HNRNPM: variants seen among roughly 807,000 people sequenced by gnomAD.
HNRNPM encodes the protein heterogeneous nuclear ribonucleoprotein M, also known as CEA receptor.
In HNRNPM, 11 loss-of-function variants were observed where a neutral mutation model predicts 73.1. The ratio of observed to expected loss-of-function variants is 0.15; its 90% CI spans 0.09 to 0.25. The LOEUF (loss-of-function observed/expected upper bound fraction) is 0.25, where lower values mean the gene tolerates loss of function less well. Ranked by LOEUF, HNRNPM falls within the 10% of genes least tolerant of loss-of-function variation. HNRNPM has a pLI of 1.00. For missense variants in HNRNPM, 789 were observed against 1,067.9 expected (o/e 0.74, Z 3.64); for synonymous variants, 407 against 355.2 (o/e 1.15, Z -1.64).
rs779325730 is a variant in HNRNPM, at chr19:8,463,470, CTGACTGGT to C, written c.337-26_337-19del. Reference sequence around the variant, plus strand: ...TTTCTTTTTCCCCTTCCTTGCTCTTCTGACTGGTCTCTGGCTTCCTCCAAAGGGATGTG... The same window carrying C: ...TTTCTTTTTCCCCTTCCTTGCTCTTCCTCTGGCTTCCTCCAAAGGGATGTG... On this transcript the variant is annotated intron_variant, in intron 3 of 15. Coordinates refer to ENST00000325495, the MANE Select transcript of HNRNPM (RefSeq NM_005968.5). 1.9e-6 allele frequency: 3 copies of C among 1,613,098 alleles called. No individual in the cohort carries two copies. Among genetic ancestry groups the C allele is most frequent in the Non-Finnish European group, 2.5e-6 (3 of 1,179,092 alleles).
intron 2 of HNRNPM, among the ~76,000 whole-genome samples, chr19:8,460,954 A>G (rs1969356065): frequency 6.6e-6 from 1 of 152,172 alleles, no homozygotes. Flanking sequence ...GCATTTTTGG[A>G]ACTGCTTTAC....
intron 12 of HNRNPM, among the ~76,000 whole-genome samples, chr19:8,475,805 C>T (rs937686039): frequency 1.3e-5 from 2 of 152,010 alleles, no homozygotes; most frequent in Non-Finnish European, 2.9e-5. Flanking sequence ...TGCTGGCTCA[C>T]GCCTGTAATC....
intron 3 of HNRNPM, among the ~76,000 whole-genome samples, chr19:8,463,090 C>T (rs1204065538): frequency 6.6e-6 from 1 of 152,062 alleles, no homozygotes; most frequent in Non-Finnish European, 1.5e-5. Context: ...TTCTGTCGTG[C>T]AATAGAATGG....
chr19:8,454,493 G>A (rs1175983999), intron 1 of HNRNPM, among the ~76,000 whole-genome samples: 1 of 152,126 alleles, frequency 6.6e-6, no homozygotes, highest in Non-Finnish European at 1.5e-5. Context: ...TAGACACTTG[G>A]TTGTTTCTAC....
chr19:8,461,780 T>G (rs1403010466), intron 2 of HNRNPM, among the ~76,000 whole-genome samples: 3 of 152,174 alleles, frequency 2.0e-5, no homozygotes, highest in Non-Finnish European at 2.9e-5. Flanking sequence ...CTGGCCTAAT[T>G]CACTGAAGAG....
In HNRNPM at chr19:8,485,893, G is replaced by A. The variant is rs149660814; in HGVS notation, c.1465G>A (p.Gly489Ser). The A allele has an allele frequency of 1.9e-4, 299 of 1,604,168 alleles. No homozygotes were observed. In the African/African-American group the frequency reaches 2.4e-3, roughly 13 times the overall value. ...CTCTGGCGTGGAGCGCATGGGTGCC[G>A]GCATGGGCTTCGGCCTTGAGCGCAT... ...IGSGVERMGA[G>S]MGFGLERMAA... Residue 489 changes from glycine to serine, a missense_variant, in exon 14 of 16, where the codon GGC (glycine) becomes AGC (serine). Gly to Ser is a moderately conservative substitution (Grantham distance 56). Around this residue, in one of 4 missense-constraint regions of HNRNPM, gnomAD observed 604 missense variants for 744.0 expected, o/e 0.81. Coordinates refer to ENST00000325495, the MANE Select transcript of HNRNPM (RefSeq NM_005968.5).
chr19:8,448,558 T>C, intron 1 of HNRNPM, among the ~76,000 whole-genome samples: 1 of 150,650 alleles, frequency 6.6e-6, no homozygotes. Context: ...GCAAGCTCCG[T>C]GAACCGCTTC....
intron 1 of HNRNPM, among the ~76,000 whole-genome samples, chr19:8,449,786 C>T (rs1968476710): frequency 2.9e-4 from 2 of 6,884 alleles, no homozygotes; most frequent in Non-Finnish European, 0.02. Context: ...CCGCCCGCCT[C>T]GGCCTCCCAA....
At chr19:8,466,565 C>A (rs904661759) in intron 7 of HNRNPM, among the ~76,000 whole-genome samples, 177 bp downstream of exon 7, 1 of 152,042 alleles carries the variant, frequency 6.6e-6, no homozygotes, top group East Asian at 1.9e-4. Flanking sequence ...CGGTGGCTCA[C>A]GCCTGTAATC....
At chr19:8,485,213 C>T (rs1383182597) in intron 13 of HNRNPM, among the ~76,000 whole-genome samples, 1 of 151,992 alleles carries the variant, frequency 6.6e-6, no homozygotes, top group Non-Finnish European at 1.5e-5. Flanking sequence ...CCCTGGGTGG[C>T]CCCCCGAGTG....
chr19:8,485,605 G>C lies in HNRNPM; in HGVS notation c.1177G>C (p.Gly393Arg). Residue 393 changes from glycine to arginine, a missense_variant and splice_region_variant, in exon 14 of 16, where the codon GGA becomes CGA. Gly to Arg is a moderately radical substitution (Grantham distance 125). Transcript: ENST00000325495. ...TGTGTTTTGTGTCCCTGTTTCAGGT[G>C]GAGGTGGAGGAAGCGTCCCTGGGAT... ...GEIIAKQGGGGGGGSVPGIER... is the reference protein window; with the variant it reads ...GEIIAKQGGGRGGGSVPGIER... 6.3e-7 allele frequency: 1 copy of C among 1,597,786 alleles called. No individual in the cohort carries two copies.
At position 8,456,651 on chromosome 19, in the gene HNRNPM, C is replaced by T. The variant is rs75049452; in HGVS notation, c.283+1077C>T. On this transcript the variant is annotated intron_variant, in intron 2 of 15. Transcript: ENST00000325495. ...CATTTTGGTATGTGTACTGGTGCTC[C>T]CTGCATTGGATTTTGAAATTATGAA... Among the ~76,000 whole-genome samples the T allele has an allele frequency of 1.8e-4, 27 of 152,210 alleles. 1 individual carries two copies. The East Asian group carries it at 5.0e-3, about 28-fold the overall frequency.
At chr19:8,481,956 T>C (rs1290646020) in intron 12 of HNRNPM, among the ~76,000 whole-genome samples, 1 of 143,894 alleles carries the variant, frequency 6.9e-6, no homozygotes, top group East Asian at 2.1e-4. Flanking sequence ...GTTGTTGTTG[T>C]TGTTTGGTGT....
chr19:8,462,296 AATAGCT>A lies in HNRNPM; in HGVS notation c.284-232_284-227del. The stretch of plus-strand genomic sequence containing the variant: ...GGGAAATTGATACGGAAATCTGTGG[AATAGCT>A]TGTTTGTGGTGGGAGGAAAATCAAG... On this transcript the variant is annotated intron_variant, in intron 2 of 15. Coordinates refer to ENST00000325495, the MANE Select transcript of HNRNPM (RefSeq NM_005968.5). The surrounding 1 kb of genome is among the most constrained non-coding windows in gnomAD (Gnocchi z 4.5). 4.0e-6 allele frequency: 2 copies of A among 497,122 alleles called. No individual in the cohort carries two copies. Among genetic ancestry groups the A allele is most frequent in the South Asian group, 5.7e-5 (2 of 35,352 alleles). 30.8% of individuals were successfully genotyped at this position (497,122 alleles called of 1,614,324 possible). A position where few individuals can be genotyped will look rare whatever the true frequency, so the allele number is the denominator to read the frequency against.
chr19:8,478,531 C>G (rs1344252098), intron 12 of HNRNPM, among the ~76,000 whole-genome samples: 1 of 152,118 alleles, frequency 6.6e-6, no homozygotes, highest in Non-Finnish European at 1.5e-5. Context: ...GGGGTCCGCC[C>G]TCTGGGGTGC....
chr19:8,455,048 T>G (rs1440200913), intron 1 of HNRNPM, among the ~76,000 whole-genome samples: 2 of 152,078 alleles, frequency 1.3e-5, no homozygotes, highest in African/African-American at 4.8e-5. Context: ...GATCATAGTT[T>G]GCTGGAGCCT....
At chr19:8,483,824 G>A (rs1599850975) in intron 13 of HNRNPM, among the ~76,000 whole-genome samples, 1 of 152,144 alleles carries the variant, frequency 6.6e-6, no homozygotes, top group East Asian at 1.9e-4. Flanking sequence ...GGAGTGCCGT[G>A]GTGCAGTCTC....
intron 1 of HNRNPM, among the ~76,000 whole-genome samples, chr19:8,451,378 A>G (rs1968610878): frequency 6.6e-6 from 1 of 152,188 alleles, no homozygotes; most frequent in South Asian, 2.1e-4. Context: ...AAGTTTTTAT[A>G]TGTACGTATA....
In HNRNPM at chr19:8,482,968, C is replaced by T. The variant is rs185442143; in HGVS notation, c.1121-190C>T. On this transcript the variant is annotated intron_variant, in intron 12 of 15. Transcript: ENST00000325495. Reference sequence around the variant, plus strand: ...CTGGAGCTACGTGGGGTCTTGGCATCGTGACCCAGCATCAAGGACTCTCCT... The same window carrying T: ...CTGGAGCTACGTGGGGTCTTGGCATTGTGACCCAGCATCAAGGACTCTCCT... 5.1e-4 allele frequency: 282 copies of T among 558,254 alleles called. 2 individuals are homozygous for T. The highest frequency in any genetic ancestry group is 4.6e-3 in the African/African-American group (240 of 52,234). 34.6% of individuals were successfully genotyped at this position (558,254 alleles called of 1,614,324 possible).
Sources: allele counts gnomAD v4.1 joint callset (sites outside exome capture counted in the v4.1 genomes callset), GRCh38; gene constraint gnomAD v4.1.1; regional missense constraint gnomAD v4.1.1; non-coding constraint Gnocchi (gnomAD v3.1); transcripts MANE v1.5; gene names NCBI Gene and HGNC (gene_info 2026-07-23, HGNC 2026-07-21).